Variants in ANP32A observed in about 807,000 individuals in gnomAD.
ANP32A encodes acidic leucine-rich nuclear phosphoprotein 32 family member A.
In ANP32A, 1 loss-of-function variant was observed where a neutral mutation model predicts 33.9. That is an observed-to-expected ratio of 0.03 (90% CI 0.01 to 0.14). The LOEUF is 0.14. ANP32A is among the 10% of genes least tolerant of loss of function. The probability of loss-of-function intolerance (pLI) is 1.00; values close to 1 mark genes in which losing one functional copy is unlikely to be tolerated. For missense variants in ANP32A, 155 were observed against 306.0 expected, an observed-to-expected ratio of 0.51 and a Z score of 3.68; for synonymous variants, 115 against 120.5, an observed-to-expected ratio of 0.95 and a Z score of 0.30.
intron 2 of ANP32A, 112 bp downstream of exon 2, chr15:68,787,658 T>C (rs1002391745): frequency 5.6e-6 from 9 of 1,593,746 alleles, no homozygotes; most frequent in African/African-American, 2.7e-5. Flanking sequence ...TTGTCTGGCA[T>C]GTTGGTGCAA....
At chr15:68,783,098 TG>T (rs1471703599) in intron 4 of ANP32A, 45 bp from the exon 5 acceptor site, 1 of 1,550,126 alleles carries the variant, frequency 6.5e-7, no homozygotes, top group East Asian at 2.4e-5. Flanking sequence ...AGTGGTGAGC[TG>T]GCTCCGCCCC....
chr15:68,785,711 G>A (rs1405193398), intron 3 of ANP32A, among the ~76,000 whole-genome samples: 4 of 152,158 alleles, frequency 2.6e-5, no homozygotes, highest in African/African-American at 9.7e-5. Flanking sequence ...AGAAAGCACT[G>A]AGACACGTGT....
intron 3 of ANP32A, among the ~76,000 whole-genome samples, chr15:68,786,555 C>T (rs553066194): frequency 2.0e-5 from 3 of 152,180 alleles, no homozygotes; most frequent in Admixed American, 6.5e-5. Flanking sequence ...ATACCACGCC[C>T]GGCCTTATGA....
intron 1 of ANP32A, 24 bp downstream of exon 1, chr15:68,820,672 CAG>C (rs754052113): frequency 7.3e-5 from 110 of 1,499,402 alleles, no homozygotes; most frequent in Non-Finnish European, 9.6e-5. Flanking sequence ...AATGGACCGA[CAG>C]AGATATTTTT....
At chr15:68,802,713 C>T (rs1347564595) in intron 1 of ANP32A, among the ~76,000 whole-genome samples, 3 of 152,170 alleles carry the variant, frequency 2.0e-5, no homozygotes, top group African/African-American at 7.2e-5. Flanking sequence ...CGGGCAGTGA[C>T]GCCATCTCGG....
chr15:68,792,040 A>G (rs1894004012), intron 1 of ANP32A: 1 of 152,434 alleles, frequency 6.6e-6, no homozygotes, highest in Non-Finnish European at 1.5e-5. Flanking sequence ...TCTTGCTACA[A>G]TACCAACCCA....
intron 1 of ANP32A, among the ~76,000 whole-genome samples, chr15:68,805,212 C>T (rs752453456): frequency 2.6e-5 from 4 of 152,160 alleles, no homozygotes; most frequent in Non-Finnish European, 5.9e-5. Flanking sequence ...TGGGGGTCCT[C>T]CAGGAAACAC....
At chr15:68,812,772 T>G (rs12917604) in intron 1 of ANP32A, among the ~76,000 whole-genome samples, 139,299 of 152,052 alleles carry the variant, frequency 0.92, 64,619 homozygotes, top group Non-Finnish European at 0.98. Context: ...ATGGTGTCGG[T>G]TTTTCACAAA....
intron 1 of ANP32A, among the ~76,000 whole-genome samples, chr15:68,789,048 C>T (rs527916606): frequency 2.0e-5 from 3 of 152,322 alleles, no homozygotes; most frequent in African/African-American, 7.2e-5. Context: ...AAAGGAGACC[C>T]GGTGTGTGGC....
At position 68,779,973 on chromosome 15, in the gene ANP32A, T is replaced by C; in HGVS notation, c.*108A>G. 3 of 773,704 alleles carry C rather than the reference T, an allele frequency of 3.9e-6. No homozygotes were observed. The highest frequency in any genetic ancestry group is 5.5e-6 in the Non-Finnish European group (3 of 543,118). The allele number at this position is 773,704 out of a possible 1,614,324, so 47.9% of individuals were successfully genotyped here. On this transcript the variant is annotated 3_prime_UTR_variant, in exon 7 of 7. Transcript: ENST00000465139. ...TCTCGTTCCCACAGCAACGTTACAA[T>C]CAGAAAAAAATAAGTTTCAGGGGGC... is the stretch of plus-strand genomic sequence containing the variant.
chr15:68,802,526 A>C lies in ANP32A; in HGVS notation c.55-14607T>G, dbSNP rs183986605. ...GTTGCTTCCAATCTTTTGTGTAATA[A>C]ATAATTTTGCAATATCAATAAGCTT... On this transcript the variant is annotated intron_variant, in intron 1 of 6. Coordinates refer to ENST00000465139, the MANE Select transcript of ANP32A (RefSeq NM_006305.4). Among the ~76,000 whole-genome samples, 106 of 152,320 alleles carry C rather than the reference A, an allele frequency of 7.0e-4. No individual in the cohort carries two copies. In the South Asian group the frequency reaches 7.7e-3, roughly 11 times the overall value.
Position 68,805,525 on chromosome 15 carries a change from G to A in ANP32A, c.54+15173C>T, listed in dbSNP as rs370182236. Among the ~76,000 whole-genome samples, 96 of 152,384 alleles carry A rather than the reference G, an allele frequency of 6.3e-4. 1 individual carries two copies. The highest frequency in any genetic ancestry group is 2.1e-3 in the African/African-American group (87 of 41,598). ...TTCTGGGATGAAAAGGCAGAGGGCT[G>A]GAGCCCAAGGCTGGTGTGAGCAGAG... On this transcript the variant is annotated intron_variant, in intron 1 of 6. Transcript: ENST00000465139.
At chr15:68,812,268 G>A (rs1294775768) in intron 1 of ANP32A, among the ~76,000 whole-genome samples, 1 of 152,186 alleles carries the variant, frequency 6.6e-6, no homozygotes, top group East Asian at 1.9e-4. Context: ...CTATGTGGGG[G>A]AAACCAGGTG....
intron 1 of ANP32A, 29 bp downstream of exon 1, chr15:68,820,669 C>G: frequency 6.5e-7 from 1 of 1,530,054 alleles, no homozygotes; most frequent in East Asian, 2.6e-5. Context: ...GAGAATGGAC[C>G]GACAGAGATA....
chr15:68,808,964 C>T (rs1235624540), intron 1 of ANP32A, among the ~76,000 whole-genome samples: 2 of 152,220 alleles, frequency 1.3e-5, no homozygotes, highest in Non-Finnish European at 2.9e-5. Context: ...CACATCCTGC[C>T]TCTTACTTGT....
chr15:68,780,811 C>T lies in ANP32A; in HGVS notation c.625-338G>A, dbSNP rs1205760349. The T allele has an allele frequency of 8.0e-6, 2 of 248,624 alleles. No individual in the cohort carries two copies. 15.4% of individuals were successfully genotyped at this position (248,624 alleles called of 1,614,324 possible). A position where few individuals can be genotyped will look rare whatever the true frequency, so the allele number is the denominator to read the frequency against. Reference sequence around the variant, plus strand: ...AAGGCAGGCAGCTCTCCAGTCTGCACATTCTCTGAGGAGAACAAGTTCCCG... The same window carrying T: ...AAGGCAGGCAGCTCTCCAGTCTGCATATTCTCTGAGGAGAACAAGTTCCCG... On this transcript the variant is annotated intron_variant, in intron 5 of 6. Transcript: ENST00000465139. The surrounding 1 kb of genome is among the most constrained non-coding windows in gnomAD (Gnocchi z 4.3).
intron 1 of ANP32A, among the ~76,000 whole-genome samples, chr15:68,803,144 C>T (rs1388656620): frequency 1.3e-5 from 2 of 152,180 alleles, no homozygotes; most frequent in African/African-American, 2.4e-5. Flanking sequence ...ACACAAGGGC[C>T]GCTCAGTGTG....
chr15:68,813,205 G>T (rs1894335509), intron 1 of ANP32A, among the ~76,000 whole-genome samples: 1 of 152,214 alleles, frequency 6.6e-6, no homozygotes, highest in Admixed American at 6.5e-5. Flanking sequence ...CTGAGGGAAA[G>T]CACTGGGTTG....
chr15:68,803,726 T>C (rs1226802713), intron 1 of ANP32A, among the ~76,000 whole-genome samples: 2 of 149,396 alleles, frequency 1.3e-5, no homozygotes, highest in Non-Finnish European at 3.0e-5. Flanking sequence ...AAATAATAAA[T>C]AGAAAAAAAA....
Sources: allele counts gnomAD v4.1 joint callset (sites outside exome capture counted in the v4.1 genomes callset), GRCh38; gene constraint gnomAD v4.1.1; non-coding constraint Gnocchi (gnomAD v3.1); transcripts MANE v1.5; gene names NCBI Gene and HGNC (gene_info 2026-07-23, HGNC 2026-07-21).